AFAP1: variants seen among roughly 807,000 people sequenced by gnomAD.
The protein encoded by AFAP1 is actin filament associated protein 1, also known as actin filament-associated protein 1.
Under a neutral mutation model 93.9 loss-of-function variants are expected in AFAP1, and 75 were observed. That is an observed-to-expected ratio of 0.80 (90% confidence interval 0.66 to 0.97). The LOEUF is 0.97. Ranked by LOEUF, AFAP1 falls within the 50% of genes least tolerant of loss-of-function variation. The pLI is 0.00. For synonymous variants in AFAP1, 517 were observed against 430.7 expected (o/e 1.20, Z -2.48); for missense variants, 1,201 against 1,050.8 (o/e 1.14, Z -1.98).
rs1714106270 is a variant in AFAP1, at chr4:7,763,534, T to C, written c.*231A>G. 1 of 558,788 alleles carries C rather than the reference T, an allele frequency of 1.8e-6. No individual in the cohort carries two copies. Among genetic ancestry groups the C allele is most frequent in the Non-Finnish European group, 3.1e-6 (1 of 318,124 alleles). 34.6% of individuals were successfully genotyped at this position (558,788 alleles called of 1,614,324 possible). A position where few individuals can be genotyped will look rare whatever the true frequency, so the allele number is the denominator to read the frequency against. On this transcript the variant is annotated 3_prime_UTR_variant, in exon 18 of 18. Transcript: ENST00000420658. ...AACACCTTTCCATCACTTTTTTTGT[T>C]TTTTAACAAAGTTGGGAACCAAAGT...
Position 7,773,050 on chromosome 4 carries a change from C to A in AFAP1, c.2063-40G>T. The A allele has an allele frequency of 1.9e-6, 3 of 1,584,120 alleles. 1 individual carries two copies. The South Asian group carries it at 3.4e-5, about 18-fold the overall frequency. ...AACGCCGTTACTCCCGCGGCAGGCACAGGTTCTCCAAACAACAGAGAAGGC... is the reference window on the plus strand; with the variant it reads ...AACGCCGTTACTCCCGCGGCAGGCAAAGGTTCTCCAAACAACAGAGAAGGC... On this transcript the variant is annotated intron_variant, in intron 15 of 17. Transcript: ENST00000420658.
intron 9 of AFAP1, among the ~76,000 whole-genome samples, chr4:7,805,854 T>C (rs1345828017): frequency 1.3e-5 from 2 of 152,148 alleles, no homozygotes; most frequent in African/African-American, 4.8e-5. Flanking sequence ...GGAGGCACTT[T>C]TGGTTTTTCT....
chr4:7,830,034 C>A (rs973109993), intron 6 of AFAP1, among the ~76,000 whole-genome samples: 4 of 151,950 alleles, frequency 2.6e-5, no homozygotes, highest in African/African-American at 9.7e-5. Context: ...AATGTTATAG[C>A]CTGTAATAAA....
At chr4:7,900,042 C>G (rs1028691336) in intron 1 of AFAP1, among the ~76,000 whole-genome samples, 2 of 152,128 alleles carry the variant, frequency 1.3e-5, no homozygotes, top group Admixed American at 6.6e-5. Flanking sequence ...GCAAATACCC[C>G]CAGCAACTCT....
chr4:7,847,383 C>T (rs889316012), intron 4 of AFAP1, among the ~76,000 whole-genome samples: 3 of 151,488 alleles, frequency 2.0e-5, no homozygotes, highest in East Asian at 3.9e-4. Flanking sequence ...GAGAACTCTC[C>T]GGAAAGTATG....
At chr4:7,798,144 C>G (rs1372072393) in intron 10 of AFAP1, among the ~76,000 whole-genome samples, 2 of 113,560 alleles carry the variant, frequency 1.8e-5, no homozygotes, top group South Asian at 2.7e-4. Context: ...ACTCTATTGG[C>G]TGGCTCACGG....
At chr4:7,916,241 T>C (rs943096798) in intron 1 of AFAP1, among the ~76,000 whole-genome samples, 1 of 152,204 alleles carries the variant, frequency 6.6e-6, no homozygotes, top group African/African-American at 2.4e-5. Context: ...AAAACCGATG[T>C]CGTGCCTTCT....
intron 17 of AFAP1, among the ~76,000 whole-genome samples, chr4:7,765,697 C>T (rs995311331): frequency 6.6e-6 from 1 of 152,220 alleles, no homozygotes; most frequent in Admixed American, 6.5e-5. Flanking sequence ...GACAGAGGCC[C>T]TTGGTTCCCT....
intron 6 of AFAP1, 68 bp from the exon 7 acceptor site, chr4:7,819,239 G>T: frequency 7.1e-7 from 1 of 1,410,690 alleles, no homozygotes; most frequent in Non-Finnish European, 9.7e-7. Context: ...TGAACTGTGA[G>T]TTGTACAGAC....
At chr4:7,817,343 C>G (rs146013358) in intron 7 of AFAP1, among the ~76,000 whole-genome samples, 2 of 152,148 alleles carry the variant, frequency 1.3e-5, no homozygotes, top group Non-Finnish European at 2.9e-5. Context: ...TGGCTCACAC[C>G]TGTAATCCCA....
chr4:7,878,260 G>A lies in AFAP1; in HGVS notation c.-2-6180C>T, dbSNP rs115598370. Among the ~76,000 whole-genome samples, 1,090 of 152,278 alleles carry A rather than the reference G, an allele frequency of 7.2e-3. 13 individuals carry two copies. The highest frequency in any genetic ancestry group is 0.023 in the African/African-American group (968 of 41,548). On this transcript the variant is annotated intron_variant, in intron 1 of 17. Transcript: ENST00000420658. ...TCGTACTACTCTGGTCTGTGGACAC[G>A]CAGCAGGTGTAGGACACCCACGTCT...
intron 1 of AFAP1, among the ~76,000 whole-genome samples, chr4:7,911,391 G>A (rs549170056): frequency 6.6e-6 from 1 of 152,332 alleles, no homozygotes; most frequent in Non-Finnish European, 1.5e-5. Flanking sequence ...CATGTTGCAG[G>A]CATGTACAAC....
At chr4:7,891,289 C>T (rs532839759) in intron 1 of AFAP1, among the ~76,000 whole-genome samples, 1 of 152,248 alleles carries the variant, frequency 6.6e-6, no homozygotes, top group Admixed American at 6.5e-5. Context: ...GGACTGACAG[C>T]AGGGGCTGTG....
At position 7,798,325 on chromosome 4, in the gene AFAP1, T is replaced by C. The variant is rs112463449; in HGVS notation, c.1266+2117A>G. ...CAACCCTATTGGCTGGCTCACGGCA[T>C]TGCAACTCTATTGGCTGGCTCACAG... On this transcript the variant is annotated intron_variant, in intron 10 of 17. Transcript: ENST00000420658. Among the ~76,000 whole-genome samples the C allele has an allele frequency of 8.2e-3, 944 of 114,972 alleles. 7 individuals carry two copies. The highest frequency in any genetic ancestry group is 0.044 in the East Asian group (69 of 1,586). The allele number at this position is 114,972 out of a possible 152,430, so 75.4% of individuals were successfully genotyped here.
chr4:7,767,028 CA>C (rs891398593), intron 17 of AFAP1, among the ~76,000 whole-genome samples: 20 of 152,340 alleles, frequency 1.3e-4, no homozygotes, highest in African/African-American at 4.3e-4. Flanking sequence ...TTACGATACA[CA>C]AGTGCATTCA....
intron 6 of AFAP1, among the ~76,000 whole-genome samples, chr4:7,819,739 T>G (rs1014278220): frequency 2.0e-5 from 3 of 152,072 alleles, no homozygotes; most frequent in Non-Finnish European, 4.4e-5. Context: ...AGGAGGCCAG[T>G]AGGAGACTTC....
chr4:7,771,461 A>G (rs1715429986), intron 16 of AFAP1, among the ~76,000 whole-genome samples: 1 of 152,204 alleles, frequency 6.6e-6, no homozygotes, highest in African/African-American at 2.4e-5. Context: ...TATGTAATAT[A>G]TAACAGTAAT....
chr4:7,909,852 G>A (rs1324783194), intron 1 of AFAP1, among the ~76,000 whole-genome samples: 1 of 152,140 alleles, frequency 6.6e-6, no homozygotes, highest in Non-Finnish European at 1.5e-5. Flanking sequence ...CAGCCCCCCA[G>A]ATGCAGCTAG....
intron 1 of AFAP1, among the ~76,000 whole-genome samples, chr4:7,905,553 T>C (rs1719352211): frequency 6.6e-6 from 1 of 152,242 alleles, no homozygotes; most frequent in South Asian, 2.1e-4. Flanking sequence ...GGTCAACTTT[T>C]CTAAAAAGAT....
Sources: allele counts gnomAD v4.1 joint callset (sites outside exome capture counted in the v4.1 genomes callset), GRCh38; gene constraint gnomAD v4.1.1; transcripts MANE v1.5; gene names NCBI Gene and HGNC (gene_info 2026-07-23, HGNC 2026-07-21).